Variants in RASSF3 observed in about 807,000 individuals in gnomAD.
RASSF3 encodes the protein ras association domain-containing protein 3.
Under a neutral mutation model 19.9 loss-of-function variants are expected in RASSF3, and 19 were observed. The observed-to-expected ratio is 0.96, with a 90% CI of 0.67 to 1.40. The LOEUF is 1.40. Among genes scored for constraint, RASSF3 ranks in the 40% most tolerant of loss-of-function variants. RASSF3 has a pLI of 0.00. For missense variants in RASSF3, 306 were observed against 289.8 expected (o/e 1.06, Z -0.41); for synonymous variants, 110 against 104.2 (o/e 1.06, Z -0.34).
chr12:64,623,178 G>A (rs1870853740), intron 1 of RASSF3, among the ~76,000 whole-genome samples: 1 of 152,022 alleles, frequency 6.6e-6, no homozygotes. Flanking sequence ...TATTTTGCCA[G>A]CAAAGTCATA....
At chr12:64,616,896 C>G (rs561104372) in intron 1 of RASSF3, among the ~76,000 whole-genome samples, 1 of 152,316 alleles carries the variant, frequency 6.6e-6, no homozygotes, top group Non-Finnish European at 1.5e-5. Context: ...GGAGTTGCCG[C>G]CCTCCATTCT....
chr12:64,551,919 T>A (rs1391735283), intron 2 of RASSF3, among the ~76,000 whole-genome samples: 7 of 152,292 alleles, frequency 4.6e-5, no homozygotes, highest in African/African-American at 1.7e-4. Flanking sequence ...AGAGATATTA[T>A]CTTCAAATAG....
At chr12:64,574,594 G>A (rs1378335880) in intron 2 of RASSF3, among the ~76,000 whole-genome samples, 1 of 152,156 alleles carries the variant, frequency 6.6e-6, no homozygotes, top group African/African-American at 2.4e-5. Flanking sequence ...AATTTGAAAT[G>A]AGCTTGCCTA....
chr12:64,541,124 T>G (rs1868926451), intron 1 of RASSF3, among the ~76,000 whole-genome samples: 1 of 150,148 alleles, frequency 6.7e-6, no homozygotes, highest in African/African-American at 2.4e-5. Context: ...TAGCTGGGAC[T>G]ATAGGCACCC....
chr12:64,541,018 G>A (rs575653562), intron 1 of RASSF3, among the ~76,000 whole-genome samples: 7 of 149,812 alleles, frequency 4.7e-5, no homozygotes, highest in Non-Finnish European at 1.0e-4. Flanking sequence ...TAAGGCCAGT[G>A]TGGTGGCTCA....
intron 2 of RASSF3, among the ~76,000 whole-genome samples, chr12:64,586,143 G>T (rs1869794784): frequency 6.6e-6 from 1 of 152,034 alleles, no homozygotes; most frequent in Non-Finnish European, 1.5e-5. Context: ...TGGCCAACAT[G>T]GCGAAACCCT....
intron 1 of RASSF3, among the ~76,000 whole-genome samples, chr12:64,642,472 A>T (rs1362165827): frequency 1.3e-5 from 2 of 148,330 alleles, no homozygotes; most frequent in Non-Finnish European, 3.0e-5. Flanking sequence ...AGGCAGGAGA[A>T]TCGCTTGAAT....
At chr12:64,566,219 C>A (rs1212019684) in intron 2 of RASSF3, among the ~76,000 whole-genome samples, 1 of 152,132 alleles carries the variant, frequency 6.6e-6, no homozygotes, top group African/African-American at 2.4e-5. Context: ...GTCTTGCTGA[C>A]AGAACTCTAT....
At chr12:64,629,409 A>C (rs999111650) in intron 1 of RASSF3, among the ~76,000 whole-genome samples, 55 of 152,036 alleles carry the variant, frequency 3.6e-4, no homozygotes, top group African/African-American at 1.3e-3. Context: ...CGCCCGTCCC[A>C]CTGCTATTCT....
intron 1 of RASSF3, among the ~76,000 whole-genome samples, chr12:64,666,914 A>C (rs1334619855): frequency 6.6e-6 from 1 of 152,356 alleles, no homozygotes; most frequent in East Asian, 1.9e-4. Flanking sequence ...CTGCAAAGAG[A>C]TTTGTCTTTT....
At chr12:64,601,623 A>T (rs1870092489) in intron 2 of RASSF3, among the ~76,000 whole-genome samples, 3 of 151,572 alleles carry the variant, frequency 2.0e-5, no homozygotes, top group Admixed American at 1.3e-4. Context: ...GGAATTTGAG[A>T]CCAGCCTGGG....
Position 64,604,994 on chromosome 12 carries a change from AT to A in RASSF3, c.294+63299del, listed in dbSNP as rs200429125. 6.7e-3 allele frequency among the ~76,000 whole-genome samples: 910 copies of A among 135,004 alleles called. 10 individuals are homozygous for A. The highest frequency in any genetic ancestry group is 0.024 in the African/African-American group (871 of 36,570). The allele number at this position is 135,004 out of a possible 152,430, so 88.6% of individuals were successfully genotyped here. Reference sequence around the variant, plus strand: ...TTTTAATTTATTTTATTTTATTTTTATTTTTTTTTTAGGCAGAGCCTTGCTC... The same window carrying A: ...TTTTAATTTATTTTATTTTATTTTTATTTTTTTTTAGGCAGAGCCTTGCTC... On this transcript the variant is annotated intron_variant, in intron 2 of 5. Coordinates refer to the RASSF3 transcript ENST00000637125.
At chr12:64,628,360 A>G (rs1871060713) in intron 1 of RASSF3, 1 of 152,232 alleles carries the variant, frequency 6.6e-6, no homozygotes, top group Non-Finnish European at 1.5e-5. Context: ...GGATGAATGT[A>G]TGAGAATCAT....
intron 1 of RASSF3, among the ~76,000 whole-genome samples, chr12:64,664,187 A>G (rs554257574): frequency 1.6e-4 from 24 of 152,256 alleles, no homozygotes; most frequent in African/African-American, 5.3e-4. Flanking sequence ...ACTGTTGTCA[A>G]TCATGGTTCT....
downstream of RASSF3, among the ~76,000 whole-genome samples, chr12:64,544,276 A>C (rs1429754955): frequency 6.6e-6 from 1 of 152,122 alleles, no homozygotes; most frequent in African/African-American, 2.4e-5. Context: ...CACTGCCTTA[A>C]GAGCTCTCAC....
chr12:64,675,777 T>C (rs1872876160), intron 1 of RASSF3, among the ~76,000 whole-genome samples: 1 of 152,158 alleles, frequency 6.6e-6, no homozygotes, highest in African/African-American at 2.4e-5. Context: ...CTTTTCCTGC[T>C]GTTCAAAGCA....
chr12:64,515,938 G>C (rs1868361306), intron 1 of RASSF3, among the ~76,000 whole-genome samples: 1 of 152,072 alleles, frequency 6.6e-6, no homozygotes, highest in Admixed American at 6.6e-5. Flanking sequence ...GTTCATTTCA[G>C]TAGTGCATAT....
At chr12:64,592,092 G>A (rs1050767822) in intron 2 of RASSF3, among the ~76,000 whole-genome samples, 80 of 152,010 alleles carry the variant, frequency 5.3e-4, no homozygotes, top group African/African-American at 1.6e-3. Flanking sequence ...GTAAAGAGGA[G>A]GTTTCACCAT....
At chr12:64,562,593 C>G (rs926118642) in intron 2 of RASSF3, among the ~76,000 whole-genome samples, 2 of 151,580 alleles carry the variant, frequency 1.3e-5, no homozygotes, top group Non-Finnish European at 2.9e-5. Context: ...ACTGGGGAAA[C>G]TTCCTCTATT....
Sources: allele counts gnomAD v4.1 joint callset (sites outside exome capture counted in the v4.1 genomes callset), GRCh38; gene constraint gnomAD v4.1.1; transcripts MANE v1.5; gene names NCBI Gene and HGNC (gene_info 2026-07-23, HGNC 2026-07-21).